Variants in FRMD4A observed in about 807,000 individuals in gnomAD.
The protein encoded by FRMD4A is FERM domain-containing protein 4A.
Under a neutral mutation model 129.1 loss-of-function variants are expected in FRMD4A, and 29 were observed. That is an observed-to-expected ratio of 0.22 (90% CI 0.17 to 0.31). The LOEUF is 0.31. FRMD4A is among the 10% of genes least tolerant of loss of function. The pLI, the probability that FRMD4A is intolerant of heterozygous loss-of-function variation, is 1.00. For missense variants in FRMD4A, 1,272 were observed against 1,375.8 expected (o/e 0.92, Z 1.19); for synonymous variants, 634 against 571.6 (o/e 1.11, Z -1.56).
chr10:13,926,254 A>G (rs1237165497), intron 2 of FRMD4A, among the ~76,000 whole-genome samples: 2 of 152,212 alleles, frequency 1.3e-5, no homozygotes, highest in Admixed American at 6.5e-5. Context: ...ACAGATTCCT[A>G]GAAGAATCAG....
intron 2 of FRMD4A, among the ~76,000 whole-genome samples, chr10:13,869,675 C>T (rs769210912): frequency 1.2e-4 from 19 of 152,200 alleles, no homozygotes; most frequent in Non-Finnish European, 2.6e-4. Context: ...GGGGCAGCAG[C>T]GCTTTCTGGG....
rs957543217 is a variant in FRMD4A at position 13,891,169 on chromosome 10, G to A, written c.46-32257C>T. On this transcript the variant is annotated intron_variant, in intron 2 of 24. Coordinates refer to ENST00000357447, the MANE Select transcript of FRMD4A (RefSeq NM_018027.5). ...TGCATCAAACTTGCTGCAGCCATTT[G>A]GAACGTAAAAAGCAGTCCATCTTAG... Among the ~76,000 whole-genome samples, 6 of 152,076 alleles carry A rather than the reference G, an allele frequency of 3.9e-5. 1 individual carries two copies. The South Asian group carries it at 8.3e-4, about 21-fold the overall frequency.
intron 2 of FRMD4A, among the ~76,000 whole-genome samples, chr10:14,024,140 T>C (rs1377307704): frequency 6.6e-6 from 1 of 152,226 alleles, no homozygotes; most frequent in East Asian, 1.9e-4. Flanking sequence ...TCTCTACTAT[T>C]TAATCTGCAT....
At chr10:13,914,258 A>G (rs930713281) in intron 2 of FRMD4A, among the ~76,000 whole-genome samples, 2 of 152,312 alleles carry the variant, frequency 1.3e-5, no homozygotes, top group Non-Finnish European at 2.9e-5. Context: ...GAAAACGTAT[A>G]CTCTTATCAT....
intron 2 of FRMD4A, among the ~76,000 whole-genome samples, chr10:14,298,990 GC>G (rs996298239): frequency 1.2e-4 from 19 of 152,198 alleles, no homozygotes; most frequent in African/African-American, 4.3e-4. Flanking sequence ...AAAAGAGTTT[GC>G]CAAAGGATGA....
chr10:14,244,278 C>T, intron 2 of FRMD4A, among the ~76,000 whole-genome samples: 1 of 152,200 alleles, frequency 6.6e-6, no homozygotes, highest in East Asian at 1.9e-4. Context: ...CCTTGCCAGA[C>T]TTCCACCCCC....
intron 2 of FRMD4A, among the ~76,000 whole-genome samples, chr10:14,134,370 T>A (rs1839424046): frequency 6.6e-6 from 1 of 151,160 alleles, no homozygotes; most frequent in South Asian, 2.1e-4. Flanking sequence ...GATGGGTAGA[T>A]GGATGGATGG....
intron 3 of FRMD4A, among the ~76,000 whole-genome samples, chr10:13,848,504 G>A (rs1564905538): frequency 6.6e-6 from 1 of 152,150 alleles, no homozygotes; most frequent in Non-Finnish European, 1.5e-5. Context: ...CGCAAAGAAG[G>A]GGTGTTGCCA....
intron 2 of FRMD4A, among the ~76,000 whole-genome samples, chr10:14,199,370 T>G (rs999162492): frequency 6.6e-6 from 1 of 151,682 alleles, no homozygotes; most frequent in Non-Finnish European, 1.5e-5. Flanking sequence ...CAGGCTGGAG[T>G]GCAGTGGCGT....
At chr10:14,066,935 G>A (rs947251973) in intron 2 of FRMD4A, among the ~76,000 whole-genome samples, 2 of 152,166 alleles carry the variant, frequency 1.3e-5, no homozygotes, top group East Asian at 3.8e-4. Context: ...ATCAGTAGAC[G>A]CACATTTAAC....
At chr10:13,838,251 A>AT (rs2093907283) in intron 3 of FRMD4A, among the ~76,000 whole-genome samples, 1 of 133,024 alleles carries the variant, frequency 7.5e-6, no homozygotes, top group African/African-American at 3.0e-5. Context: ...ATGCAGAGCT[A>AT]ATTTTTTTTT....
At chr10:13,816,810 T>C (rs563666403) in intron 3 of FRMD4A, among the ~76,000 whole-genome samples, 19 of 152,292 alleles carry the variant, frequency 1.2e-4, no homozygotes, top group Middle Eastern at 3.4e-3. Flanking sequence ...AGGCAGCTAG[T>C]AGCCCAATCG....
chr10:13,738,592 C>G (rs1365617866), intron 11 of FRMD4A, among the ~76,000 whole-genome samples: 1 of 151,926 alleles, frequency 6.6e-6, no homozygotes. Context: ...GAAACAGTCT[C>G]AGGACTGAAT....
At chr10:14,144,364 C>T (rs1425927415) in intron 2 of FRMD4A, among the ~76,000 whole-genome samples, 1 of 152,112 alleles carries the variant, frequency 6.6e-6, no homozygotes. Context: ...AAGGAATCTA[C>T]GCATCCGAAG....
At chr10:13,998,658 T>G (rs2095631308) in intron 2 of FRMD4A, among the ~76,000 whole-genome samples, 1 of 152,212 alleles carries the variant, frequency 6.6e-6, no homozygotes, top group Non-Finnish European at 1.5e-5. Context: ...GGGCCGTTCT[T>G]GACTCCTGTC....
rs951019799 is a variant in FRMD4A at position 13,754,704 on chromosome 10, C to CT, written c.465-6886dup. Among the ~76,000 whole-genome samples, 16 of 148,996 alleles carry CT rather than the reference C, an allele frequency of 1.1e-4. No individual in the cohort carries two copies. The East Asian group carries it at 1.2e-3, about 11-fold the overall frequency. On this transcript the variant is annotated intron_variant, in intron 8 of 24. Coordinates refer to ENST00000357447, the MANE Select transcript of FRMD4A (RefSeq NM_018027.5). ...GTGTGTTTCAAGTTTAACAGATCAA[C>CT]TTTTTTTTTTCTAGGATGTTTCCAA...
chr10:13,955,982 C>A (rs888090605), intron 2 of FRMD4A, among the ~76,000 whole-genome samples: 1 of 152,170 alleles, frequency 6.6e-6, no homozygotes, highest in Non-Finnish European at 1.5e-5. Context: ...ATTTTACACC[C>A]TTTCAAATTC....
chr10:14,272,127 A>T (rs1042217191), intron 2 of FRMD4A, among the ~76,000 whole-genome samples: 4 of 152,174 alleles, frequency 2.6e-5, no homozygotes, highest in Admixed American at 6.5e-5. Context: ...TAATAAAATA[A>T]AGGTTTGTTT....
Position 14,193,687 on chromosome 10 carries a change from TA to T in FRMD4A, c.45+136370del, listed in dbSNP as rs11431301. Among the ~76,000 whole-genome samples, 551 of 143,438 alleles carry T rather than the reference TA, an allele frequency of 3.8e-3. 3 individuals carry two copies. Among genetic ancestry groups the T allele is most frequent in the African/African-American group, 0.011 (444 of 39,338 alleles). 94.1% of individuals were successfully genotyped at this position (143,438 alleles called of 152,430 possible). Reference sequence around the variant, plus strand: ...GGACCAGCAGTGCTGGTCTACAAATTAAAAAAAAAAAAACTACAAATAATAT... The same window carrying T: ...GGACCAGCAGTGCTGGTCTACAAATTAAAAAAAAAAAACTACAAATAATAT... On this transcript the variant is annotated intron_variant, in intron 2 of 24. Coordinates refer to ENST00000357447, the MANE Select transcript of FRMD4A (RefSeq NM_018027.5).
Sources: allele counts gnomAD v4.1 joint callset (sites outside exome capture counted in the v4.1 genomes callset), GRCh38; gene constraint gnomAD v4.1.1; transcripts MANE v1.5; gene names NCBI Gene and HGNC (gene_info 2026-07-23, HGNC 2026-07-21).